PIAS1: variants seen among roughly 807,000 people sequenced by gnomAD.
PIAS1 encodes E3 SUMO-protein ligase PIAS1.
Under a neutral mutation model 71.3 loss-of-function variants are expected in PIAS1, and 6 were observed. The ratio of observed to expected loss-of-function variants is 0.08; its 90% CI spans 0.05 to 0.17. The LOEUF (loss-of-function observed/expected upper bound fraction) is 0.17, where lower values mean the gene tolerates loss of function less well. Ranked by LOEUF, PIAS1 falls within the 10% of genes least tolerant of loss-of-function variation. The pLI, the probability that PIAS1 is intolerant of heterozygous loss-of-function variation, is 1.00. For missense variants in PIAS1, 555 were observed against 793.6 expected (o/e 0.70, Z 3.61); for synonymous variants, 303 against 292.9 (o/e 1.03, Z -0.35).
chr15:68,112,219 C>T (rs975075541), intron 2 of PIAS1, among the ~76,000 whole-genome samples: 4 of 152,156 alleles, frequency 2.6e-5, no homozygotes. Flanking sequence ...AGATCCTACT[C>T]ACTTGCTTAT....
Position 68,073,837 on chromosome 15 carries a change from T to G in PIAS1, c.25-12469T>G, listed in dbSNP as rs2092127810. 2.0e-5 allele frequency among the ~76,000 whole-genome samples: 3 copies of G among 152,148 alleles called. No individual in the cohort carries two copies. In the East Asian group the frequency reaches 5.8e-4, roughly 29 times the overall value. Reference sequence around the variant, plus strand: ...ATTTTAGAATGATCACTGGCAATAGTGAGGAGAATGACTTGGAGAGGATAA... The same window carrying G: ...ATTTTAGAATGATCACTGGCAATAGGGAGGAGAATGACTTGGAGAGGATAA... On this transcript the variant is annotated intron_variant, in intron 1 of 13. Coordinates refer to ENST00000249636, the MANE Select transcript of PIAS1 (RefSeq NM_016166.3).
At chr15:68,105,464 C>T (rs1436161013) in intron 2 of PIAS1, among the ~76,000 whole-genome samples, 1 of 151,868 alleles carries the variant, frequency 6.6e-6, no homozygotes, top group Non-Finnish European at 1.5e-5. Context: ...ACCATATGAT[C>T]TAGGTTTGCT....
chr15:68,187,773 A>G lies in PIAS1; in HGVS notation c.1894A>G (p.Arg632Gly), dbSNP rs1291377193. Residue 632 changes from arginine to glycine, a missense_variant, in exon 14 of 14, where the codon AGG becomes GGG. Physicochemically the swap from Arg to Gly is moderately radical, Grantham distance 125. Around this residue, in one of 5 missense-constraint regions of PIAS1, gnomAD observed 244 missense variants for 307.5 expected, o/e 0.79. Coordinates refer to ENST00000249636, the MANE Select transcript of PIAS1 (RefSeq NM_016166.3). The surrounding 1 kb of genome is among the most constrained non-coding windows in gnomAD (Gnocchi z 5.3). ...RESHSHTVTN[R>G]SSTDTASIFG... Reference sequence around the variant, plus strand: ...AAGCCATAGCCACACCGTCACAAACAGGAGCAGCACGGACACGGCATCCAT... The same window carrying G: ...AAGCCATAGCCACACCGTCACAAACGGGAGCAGCACGGACACGGCATCCAT... The G allele has an allele frequency of 6.2e-7, 1 of 1,613,864 alleles. No individual in the cohort carries two copies. Among genetic ancestry groups the G allele is most frequent in the Non-Finnish European group, 8.5e-7 (1 of 1,179,898 alleles).
chr15:68,075,324 G>T (rs2092150505), intron 1 of PIAS1, among the ~76,000 whole-genome samples: 1 of 151,922 alleles, frequency 6.6e-6, no homozygotes, highest in South Asian at 2.1e-4. Context: ...GATCTCAGGT[G>T]ATCCGCCCAC....
In PIAS1 at chr15:68,185,509, C is replaced by T. The variant is rs958393393; in HGVS notation, c.1662+1842C>T. 6.6e-6 allele frequency among the ~76,000 whole-genome samples: 1 copy of T among 152,116 alleles called. No homozygotes were observed. The highest frequency in any genetic ancestry group is 1.5e-5 in the Non-Finnish European group (1 of 68,022). ...CTAGATGTGGTTCCTGAGGAATTGACTAATGAGCTGTTGGAACTGGAACAG... is the reference window on the plus strand; with the variant it reads ...CTAGATGTGGTTCCTGAGGAATTGATTAATGAGCTGTTGGAACTGGAACAG... On this transcript the variant is annotated intron_variant, in intron 13 of 13. Coordinates refer to ENST00000249636, the MANE Select transcript of PIAS1 (RefSeq NM_016166.3). The surrounding 1 kb of genome is among the most constrained non-coding windows in gnomAD (Gnocchi z 4.4).
intron 1 of PIAS1, among the ~76,000 whole-genome samples, chr15:68,063,782 G>C (rs1274757948): frequency 1.3e-5 from 2 of 151,840 alleles, no homozygotes; most frequent in East Asian, 3.9e-4. Flanking sequence ...CCTAATAATA[G>C]GCATTATTTA....
chr15:68,057,923 T>A (rs922245613), intron 1 of PIAS1, among the ~76,000 whole-genome samples: 1 of 152,380 alleles, frequency 6.6e-6, no homozygotes, highest in East Asian at 1.9e-4. Context: ...CATTGTCTTT[T>A]TCTTCAAAGA....
At chr15:68,145,130 T>C (rs2092799675) in intron 4 of PIAS1, among the ~76,000 whole-genome samples, 1 of 152,188 alleles carries the variant, frequency 6.6e-6, no homozygotes, top group African/African-American at 2.4e-5. Context: ...GAATTATGTA[T>C]CTTTCCTTGA....
At chr15:68,055,180 G>C (rs1237186847) in intron 1 of PIAS1, 1 of 984,918 alleles carries the variant, frequency 1.0e-6, no homozygotes, top group Non-Finnish European at 1.2e-6. Context: ...GGTGAGAGGA[G>C]CCTTTGGGGG....
chr15:68,182,424 T>TTGTG (rs1567080853), intron 12 of PIAS1, among the ~76,000 whole-genome samples: 2 of 63,844 alleles, frequency 3.1e-5, no homozygotes, highest in African/African-American at 1.1e-4. Flanking sequence ...AAGTTACAGC[T>TTGTG]AGTGTGTGTG....
At chr15:68,067,008 T>C (rs1011868303) in intron 1 of PIAS1, among the ~76,000 whole-genome samples, 1 of 152,190 alleles carries the variant, frequency 6.6e-6, no homozygotes, top group Admixed American at 6.5e-5. Flanking sequence ...GCTGATAATG[T>C]TTGGGGAACA....
At chr15:68,111,042 G>C (rs1009964298) in intron 2 of PIAS1, among the ~76,000 whole-genome samples, 1 of 152,118 alleles carries the variant, frequency 6.6e-6, no homozygotes, top group African/African-American at 2.4e-5. Context: ...GTAAGCATCT[G>C]TTTTGTTTGC....
chr15:68,142,207 T>C (rs1223892650), intron 3 of PIAS1, 83 bp from the exon 4 acceptor site: 26 of 1,231,230 alleles, frequency 2.1e-5, no homozygotes, highest in South Asian at 1.9e-4. Context: ...TTTGAAAAAC[T>C]TTTCTGGAGT....
intron 8 of PIAS1, among the ~76,000 whole-genome samples, chr15:68,170,911 G>T (rs28767889): frequency 0.011 from 1,678 of 152,188 alleles, 29 homozygotes; most frequent in African/African-American, 0.039. Context: ...AAAGGGCTGG[G>T]ATTACTGGTG....
At chr15:68,091,272 G>A (rs899533350) in intron 2 of PIAS1, among the ~76,000 whole-genome samples, 6 of 151,900 alleles carry the variant, frequency 3.9e-5, no homozygotes, top group African/African-American at 1.5e-4. Flanking sequence ...ATATTGTTTT[G>A]TTTAGAATAA....
rs140053964 is a variant in PIAS1 at position 68,151,707 on chromosome 15, C to CACACACACACACACACAA, written c.829-1882_829-1881insCACACACACACACACAAA. 4.7e-3 allele frequency among the ~76,000 whole-genome samples: 627 copies of CACACACACACACACACAA among 134,494 alleles called. 1 individual carries two copies. Among genetic ancestry groups the CACACACACACACACACAA allele is most frequent in the East Asian group, 7.9e-3 (34 of 4,328 alleles). 88.2% of individuals were successfully genotyped at this position (134,494 alleles called of 152,430 possible). On this transcript the variant is annotated intron_variant, in intron 6 of 13. Coordinates refer to ENST00000249636, the MANE Select transcript of PIAS1 (RefSeq NM_016166.3). ...AAACACACACACACACACACACACACAAATTAGCTAGATATGGTGGTGCAC... is the reference window on the plus strand; with the variant it reads ...AAACACACACACACACACACACACACACACACACACACACACAAAAATTAGCTAGATATGGTGGTGCAC...
At chr15:68,064,174 G>A (rs1567023387) in intron 1 of PIAS1, among the ~76,000 whole-genome samples, 1 of 152,094 alleles carries the variant, frequency 6.6e-6, no homozygotes, top group Non-Finnish European at 1.5e-5. Flanking sequence ...ACAGACTAGG[G>A]TATTTGGCAT....
rs78470981 is a variant in PIAS1 at position 68,171,542 on chromosome 15, A to G, written c.1009-2190A>G. On this transcript the variant is annotated intron_variant, in intron 8 of 13. Coordinates refer to ENST00000249636, the MANE Select transcript of PIAS1 (RefSeq NM_016166.3). The surrounding 1 kb of genome is among the most constrained non-coding windows in gnomAD (Gnocchi z 4.4). ...TGGGAGTACACAGAAGGGAGTTACC[A>G]GTTTTTACTCTAGGTCCCTCCAGGT... 0.056 allele frequency among the ~76,000 whole-genome samples: 8,481 copies of G among 152,310 alleles called. 339 individuals are homozygous for G. Among genetic ancestry groups the G allele is most frequent in the Middle Eastern group, 0.14 (41 of 294 alleles).
intron 1 of PIAS1, among the ~76,000 whole-genome samples, chr15:68,057,819 G>C (rs959959024): frequency 6.6e-6 from 1 of 152,160 alleles, no homozygotes; most frequent in Non-Finnish European, 1.5e-5. Flanking sequence ...CTACAGTATA[G>C]TTTATAAAAT....
Sources: allele counts gnomAD v4.1 joint callset (sites outside exome capture counted in the v4.1 genomes callset), GRCh38; gene constraint gnomAD v4.1.1; regional missense constraint gnomAD v4.1.1; non-coding constraint Gnocchi (gnomAD v3.1); transcripts MANE v1.5; gene names NCBI Gene and HGNC (gene_info 2026-07-23, HGNC 2026-07-21).